Variants in LDLRAD4 observed in about 807,000 individuals in gnomAD.
LDLRAD4 encodes low-density lipoprotein receptor class A domain-containing protein 4.
LDLRAD4 carries 5 observed loss-of-function variants against 17.0 expected under a neutral mutation model. That is an observed-to-expected ratio of 0.29 (90% CI 0.15 to 0.62). The LOEUF (loss-of-function observed/expected upper bound fraction) is 0.62, where lower values mean the gene tolerates loss of function less well. Among genes scored for constraint, LDLRAD4 ranks in the 20% least tolerant of loss-of-function variants. The pLI, the probability that LDLRAD4 is intolerant of heterozygous loss-of-function variation, is 0.84. For synonymous variants in LDLRAD4, 168 were observed against 171.8 expected, an observed-to-expected ratio of 0.98 and a Z score of 0.17; for missense variants, 340 against 424.7, an observed-to-expected ratio of 0.80 and a Z score of 1.75.
intron 4 of LDLRAD4, among the ~76,000 whole-genome samples, chr18:13,623,119 G>A (rs1426390734): frequency 6.6e-6 from 1 of 152,226 alleles, no homozygotes; most frequent in Non-Finnish European, 1.5e-5. Flanking sequence ...TACCAACCAA[G>A]AGGCCCAGCA....
At chr18:13,592,770 A>C (rs1191977245) in intron 3 of LDLRAD4, among the ~76,000 whole-genome samples, 4 of 152,204 alleles carry the variant, frequency 2.6e-5, no homozygotes, top group Non-Finnish European at 5.9e-5. Context: ...TATAATTTGT[A>C]GATAACCTAG....
chr18:13,322,928 T>C (rs1296194410), intron 1 of LDLRAD4, among the ~76,000 whole-genome samples: 1 of 152,094 alleles, frequency 6.6e-6, no homozygotes, highest in Admixed American at 6.6e-5. Context: ...CCAGGCCATA[T>C]TTCTCACTTT....
intron 3 of LDLRAD4, among the ~76,000 whole-genome samples, chr18:13,456,950 C>T (rs1376653435): frequency 6.6e-6 from 1 of 152,360 alleles, no homozygotes; most frequent in East Asian, 1.9e-4. Context: ...GGATTTCTGT[C>T]TGCCTGGGGA....
intron 1 of LDLRAD4, among the ~76,000 whole-genome samples, chr18:13,336,641 G>A: frequency 6.6e-6 from 1 of 151,776 alleles, no homozygotes; most frequent in Non-Finnish European, 1.5e-5. Flanking sequence ...ATGCTCATTT[G>A]AAATTCATCT....
intron 3 of LDLRAD4, chr18:13,561,919 C>T (rs2094545636): frequency 6.6e-6 from 1 of 152,110 alleles, no homozygotes; most frequent in South Asian, 2.1e-4. Context: ...AAAAGAAAAA[C>T]CAAACATGTT....
At chr18:13,544,701 G>A (rs2094334593) in intron 3 of LDLRAD4, among the ~76,000 whole-genome samples, 2 of 152,144 alleles carry the variant, frequency 1.3e-5, no homozygotes, top group Non-Finnish European at 2.9e-5. Context: ...CCTGTTGACA[G>A]TGAAGCTAAA....
intron 4 of LDLRAD4, among the ~76,000 whole-genome samples, chr18:13,625,551 C>G (rs2041058433): frequency 6.6e-6 from 1 of 152,164 alleles, no homozygotes; most frequent in Non-Finnish European, 1.5e-5. Flanking sequence ...TGCGGAGAGT[C>G]CCGTTCTGAG....
intron 3 of LDLRAD4, among the ~76,000 whole-genome samples, chr18:13,493,911 C>G (rs2093409031): frequency 6.6e-6 from 1 of 152,204 alleles, no homozygotes; most frequent in Non-Finnish European, 1.5e-5. Flanking sequence ...GCGGGGCCAC[C>G]CAGGGGGTCC....
intron 1 of LDLRAD4, among the ~76,000 whole-genome samples, chr18:13,337,927 G>C (rs750354334): frequency 1.1e-4 from 16 of 152,146 alleles, no homozygotes; most frequent in Non-Finnish European, 2.1e-4. Context: ...TACAGTCACA[G>C]TGGAAAGCAG....
intron 1 of LDLRAD4, among the ~76,000 whole-genome samples, chr18:13,253,545 T>C (rs1458932769): frequency 1.3e-5 from 2 of 152,090 alleles, no homozygotes; most frequent in African/African-American, 4.8e-5. Context: ...CCTTTTCGGA[T>C]TGATTATGAC....
chr18:13,241,368 G>A (rs1041817096), intron 1 of LDLRAD4: 3 of 152,304 alleles, frequency 2.0e-5, no homozygotes, highest in African/African-American at 7.2e-5. Flanking sequence ...ACATGCGGAA[G>A]TTCATTCCGG....
chr18:13,638,645 A>C (rs2042274313), intron 4 of LDLRAD4, among the ~76,000 whole-genome samples: 1 of 152,236 alleles, frequency 6.6e-6, no homozygotes, highest in Admixed American at 6.5e-5. Context: ...GTCTCAAGGA[A>C]CTGGTCCTTA....
At position 13,642,735 on chromosome 18, in the gene LDLRAD4, T is replaced by C. The variant is rs1057404018; in HGVS notation, c.337-624T>C. ...CACTGAATGCGGTTGGACAGTCATC[T>C]TGAATGTATTTCAAGCACACAGGTG... On this transcript the variant is annotated intron_variant, in intron 4 of 5. Coordinates refer to ENST00000359446, the Ensembl canonical transcript of LDLRAD4. The C allele has an allele frequency of 1.5e-5, 18 of 1,231,444 alleles. No homozygotes were observed. In the East Asian group the frequency reaches 5.7e-4, roughly 39 times the overall value. The allele number at this position is 1,231,444 out of a possible 1,614,324, so 76.3% of individuals were successfully genotyped here. A position where few individuals can be genotyped will look rare whatever the true frequency, so the allele number is the denominator to read the frequency against.
intron 2 of LDLRAD4, among the ~76,000 whole-genome samples, chr18:13,426,815 G>A (rs187067032): frequency 4.3e-4 from 66 of 152,294 alleles, no homozygotes; most frequent in Admixed American, 1.6e-3. Context: ...CAAAATTCTG[G>A]TGTGGGTTGG....
intron 3 of LDLRAD4, among the ~76,000 whole-genome samples, chr18:13,592,806 T>A: frequency 6.7e-6 from 1 of 148,380 alleles, no homozygotes; most frequent in East Asian, 1.9e-4. Context: ...AATTTGTAAT[T>A]CCTTCTATAA....
chr18:13,514,775 C>T (rs1416307177), intron 3 of LDLRAD4: 1 of 152,248 alleles, frequency 6.6e-6, no homozygotes, highest in Non-Finnish European at 1.5e-5. Context: ...TGCAGAAGCC[C>T]TGGTGAAACC....
chr18:13,297,544 C>T (rs1460951529), intron 1 of LDLRAD4, among the ~76,000 whole-genome samples: 3 of 152,214 alleles, frequency 2.0e-5, no homozygotes, highest in Non-Finnish European at 4.4e-5. Flanking sequence ...CCTGTAATCC[C>T]AGCACTTTGG....
intron 3 of LDLRAD4, among the ~76,000 whole-genome samples, chr18:13,545,685 A>G (rs1293328885): frequency 6.6e-6 from 1 of 152,170 alleles, no homozygotes; most frequent in Non-Finnish European, 1.5e-5. Context: ...AGGGTGGGAA[A>G]CTGGCGGGGC....
At chr18:13,570,964 G>A (rs146346049) in intron 3 of LDLRAD4, among the ~76,000 whole-genome samples, 10 of 152,154 alleles carry the variant, frequency 6.6e-5, no homozygotes, top group African/African-American at 1.7e-4. Context: ...GACTACAGGC[G>A]CATACCACCA....
Sources: gnomAD v4.1 joint callset for allele counts (sites outside exome capture counted in the v4.1 genomes callset) on GRCh38, gnomAD v4.1.1 for gene constraint, MANE v1.5 for transcripts, NCBI Gene and HGNC (gene_info 2026-07-23, HGNC 2026-07-21) for gene names.